NIFK: variants seen among roughly 807,000 people sequenced by gnomAD.
NIFK encodes the protein MKI67 FHA domain-interacting nucleolar phosphoprotein.
Under a neutral mutation model 31.7 loss-of-function variants are expected in NIFK, and 16 were observed. That is an observed-to-expected ratio of 0.50 (90% CI 0.34 to 0.77). NIFK has a LOEUF of 0.77. Ranked by LOEUF, NIFK falls within the 30% of genes least tolerant of loss-of-function variation. The pLI, the probability that NIFK is intolerant of heterozygous loss-of-function variation, is 0.01. For synonymous variants in NIFK, 126 were observed against 123.0 expected, an observed-to-expected ratio of 1.02 and a Z score of -0.16; for missense variants, 341 against 350.4, an observed-to-expected ratio of 0.97 and a Z score of 0.21.
At chr2:121,732,234 G>C in intron 2 of NIFK, 30 bp from the exon 3 acceptor site, 3 of 1,340,186 alleles carry the variant, frequency 2.2e-6, no homozygotes, top group East Asian at 4.6e-5. Context: ...ACAAAAAGTA[G>C]AACAATTAAA....
intron 1 of NIFK, 56 bp downstream of exon 1, chr2:121,736,690 C>T (rs2074583874): frequency 4.1e-6 from 6 of 1,464,808 alleles, no homozygotes; most frequent in Non-Finnish European, 5.7e-6. Context: ...CCCCAGATAC[C>T]CTCTAGACCC....
intron 2 of NIFK, among the ~76,000 whole-genome samples, chr2:121,733,448 G>A (rs1363321111): frequency 6.6e-6 from 1 of 151,934 alleles, no homozygotes. Flanking sequence ...CCGAGAGGCT[G>A]AGGGTGCAGT....
In NIFK at chr2:121,731,321, A is replaced by AT. The variant is rs141992479; in HGVS notation, c.353-218dup. 611 of 522,832 alleles carry AT rather than the reference A, an allele frequency of 1.2e-3. 4 individuals carry two copies. The highest frequency in any genetic ancestry group is 0.011 in the African/African-American group (577 of 51,898). The allele number at this position is 522,832 out of a possible 1,614,324, so 32.4% of individuals were successfully genotyped here. On this transcript the variant is annotated intron_variant, in intron 3 of 6. Coordinates refer to ENST00000285814, the MANE Select transcript of NIFK (RefSeq NM_032390.5). ...GTACCTAAGACGGCCACATGCCACC[A>AT]TGGGCACAGGGAAGCCAGAAACTTC...
chr2:121,731,053 T>C lies in NIFK; in HGVS notation c.404A>G (p.Asn135Ser), dbSNP rs2106442342. 2.5e-6 allele frequency: 4 copies of C among 1,612,490 alleles called. No homozygotes were observed. The highest frequency in any genetic ancestry group is 3.4e-6 in the Non-Finnish European group (4 of 1,179,142). Residue 135 changes from asparagine to serine, a missense_variant, in exon 4 of 7, where the codon AAT becomes AGT. Transcript: ENST00000285814. ...ATATGATGGCTGCTTAAATGGAATA[T>C]TCCAGTCTTTAAAGAGTTCTTTATG... ...KVHKELFKDW[N>S]IPFKQPSYPS... is the part of the protein sequence containing the mutation.
rs59166905 is a variant in NIFK, at chr2:121,731,696, A to C, written c.352+400T>G. Among the ~76,000 whole-genome samples, 540 of 152,066 alleles carry C rather than the reference A, an allele frequency of 3.6e-3. 4 individuals are homozygous for C. Among genetic ancestry groups the C allele is most frequent in the African/African-American group, 0.013 (523 of 41,470 alleles). ...TCTCACAGCTGAATGGTTAGGCATC[A>C]TTGGTTTGGCATTCACTGTCCCTCA... On this transcript the variant is annotated intron_variant, in intron 3 of 6. Coordinates refer to ENST00000285814, the MANE Select transcript of NIFK (RefSeq NM_032390.5).
Position 121,732,077 on chromosome 2 carries a change from G to T in NIFK, c.352+19C>A. ...CAGCAGGCACCCAGGCAACCCTGCG[G>T]TAAGACAGGAGCACTTACACTCCAA... On this transcript the variant is annotated intron_variant, in intron 3 of 6. Coordinates refer to ENST00000285814, the MANE Select transcript of NIFK (RefSeq NM_032390.5). 6.7e-7 allele frequency: 1 copy of T among 1,491,930 alleles called. No homozygotes were observed. The highest frequency in any genetic ancestry group is 9.3e-7 in the Non-Finnish European group (1 of 1,069,750). The allele number at this position is 1,491,930 out of a possible 1,614,324, so 92.4% of individuals were successfully genotyped here.
chr2:121,735,977 A>AT (rs777089625), intron 1 of NIFK, among the ~76,000 whole-genome samples: 1 of 152,206 alleles, frequency 6.6e-6, no homozygotes, highest in African/African-American at 2.4e-5. Context: ...TTAGAGCTCA[A>AT]TAACTATGTC....
chr2:121,734,233 T>C (rs1189181505), intron 2 of NIFK, among the ~76,000 whole-genome samples: 1 of 151,756 alleles, frequency 6.6e-6, no homozygotes, highest in East Asian at 1.9e-4. Context: ...GAGGCAGAGG[T>C]TGCAGTGAGC....
intron 4 of NIFK, chr2:121,730,659 C>T (rs946624074): frequency 1.5e-4 from 70 of 464,470 alleles, no homozygotes; most frequent in Admixed American, 7.5e-4. Flanking sequence ...GCCTGGCCAA[C>T]GTGGAGAAAC....
chr2:121,732,992 G>C (rs577297389), intron 2 of NIFK, among the ~76,000 whole-genome samples: 2 of 152,058 alleles, frequency 1.3e-5, no homozygotes, highest in African/African-American at 4.8e-5. Flanking sequence ...TGAGCCAGAA[G>C]AATCACTTGA....
In NIFK at chr2:121,732,498, TAA is replaced by T. The variant is rs2074548844; in HGVS notation, c.244-296_244-295del. On this transcript the variant is annotated intron_variant, in intron 2 of 6. Transcript: ENST00000285814. Reference sequence around the variant, plus strand: ...ATTCAGTAACAACACTCCGTGATATTAAAAAAGTCTTCAACTTAAAAGTCACA... The same window carrying T: ...ATTCAGTAACAACACTCCGTGATATTAAAAGTCTTCAACTTAAAAGTCACA... 2.6e-5 allele frequency among the ~76,000 whole-genome samples: 4 copies of T among 152,244 alleles called. No homozygotes were observed. In the South Asian group the frequency reaches 8.3e-4, roughly 32 times the overall value.
Position 121,728,545 on chromosome 2 carries a change from A to C in NIFK, c.565-9T>G. ...TCCGTTTTCTGTAAAATCTTTAATA[A>C]AGAAGTTAGAAATTGACACTCATAT... On this transcript the variant is annotated splice_polypyrimidine_tract_variant and intron_variant, in intron 4 of 6. Coordinates refer to ENST00000285814, the MANE Select transcript of NIFK (RefSeq NM_032390.5). 2.0e-6 allele frequency: 3 copies of C among 1,508,886 alleles called. No individual in the cohort carries two copies. Among genetic ancestry groups the C allele is most frequent in the Non-Finnish European group, 2.7e-6 (3 of 1,102,334 alleles). 93.5% of individuals were successfully genotyped at this position (1,508,886 alleles called of 1,614,324 possible).
At chr2:121,731,202 C>A (rs1445747804) in intron 3 of NIFK, 98 bp from the exon 4 acceptor site, 1 of 658,142 alleles carries the variant, frequency 1.5e-6, no homozygotes, top group Non-Finnish European at 2.6e-6. Context: ...TGGCTGGGTA[C>A]AGTGGCTCAC....
Position 121,736,122 on chromosome 2 carries a change from C to A in NIFK, c.106-372G>T, listed in dbSNP as rs369749419. On this transcript the variant is annotated intron_variant, in intron 1 of 6. Coordinates refer to ENST00000285814, the MANE Select transcript of NIFK (RefSeq NM_032390.5). The stretch of plus-strand genomic sequence containing the variant: ...GCACTTCATCGAAAAATTTTCGATA[C>A]GCTTGTTAACTCTCACGGTACAGAT... Among the ~76,000 whole-genome samples, 8 of 152,320 alleles carry A rather than the reference C, an allele frequency of 5.3e-5. No homozygotes were observed. The South Asian group carries it at 1.0e-3, about 20-fold the overall frequency.
chr2:121,736,320 G>A (rs115335519), intron 1 of NIFK, among the ~76,000 whole-genome samples: 617 of 152,308 alleles, frequency 4.1e-3, no homozygotes, highest in Non-Finnish European at 6.3e-3. Flanking sequence ...TCACCAACCC[G>A]GCATACAAAC....
At chr2:121,729,844 T>G (rs1052363159) in intron 4 of NIFK, among the ~76,000 whole-genome samples, 1 of 152,206 alleles carries the variant, frequency 6.6e-6, no homozygotes, top group African/African-American at 2.4e-5. Flanking sequence ...AAAAGAAGCT[T>G]CCTCTTCTGT....
rs993135104 is a variant in NIFK, at chr2:121,727,495, G to A, written c.*229C>T. The A allele has an allele frequency of 1.5e-6, 1 of 682,766 alleles. No individual in the cohort carries two copies. Among genetic ancestry groups the A allele is most frequent in the African/African-American group, 1.8e-5 (1 of 56,534 alleles). 42.3% of individuals were successfully genotyped at this position (682,766 alleles called of 1,614,324 possible). ...AATATCAAAAGAAAACTAGAGGCCA[G>A]GACAAAGAGGCAATGTCAGCCAAGC... On this transcript the variant is annotated 3_prime_UTR_variant, in exon 7 of 7. Coordinates refer to ENST00000285814, the MANE Select transcript of NIFK (RefSeq NM_032390.5).
chr2:121,736,871 A>C lies in NIFK; in HGVS notation c.-21T>G, dbSNP rs772421005. On this transcript the variant is annotated 5_prime_UTR_variant, in exon 1 of 7. Transcript: ENST00000285814. ...GCCATGCCAAAAGCCGCCGACGCTA[A>C]CCACGCGGCGCTCCCGGAAACGTCG... The C allele has an allele frequency of 6.3e-7, 1 of 1,598,010 alleles. No individual in the cohort carries two copies. Among genetic ancestry groups the C allele is most frequent in the African/African-American group, 1.3e-5 (1 of 74,550 alleles).
Position 121,735,639 on chromosome 2 carries a change from G to A in NIFK, c.217C>T (p.Arg73Trp), listed in dbSNP as rs767813609. 2.5e-6 allele frequency: 4 copies of A among 1,612,056 alleles called. No homozygotes were observed. The African/African-American group carries it at 4.0e-5, about 16-fold the overall frequency. ...CTTTTACTTCTGGACAGCCTGAACC[G>A]TGTCACAGTGCCAAACTGGGAGAAA... is the stretch of plus-strand genomic sequence containing the variant. Reference protein sequence around the residue: ...SYFSQFGTVTRFRLSRSKRTG... With the variant: ...SYFSQFGTVTWFRLSRSKRTG... The change falls in exon 2 of 7, where the codon CGG becomes TGG. Residue 73 changes from arginine (R) to tryptophan (W), a missense_variant. Physicochemically the swap from Arg to Trp is moderately radical, Grantham distance 101. Transcript: ENST00000285814.
Sources: gnomAD v4.1 joint callset for allele counts (sites outside exome capture counted in the v4.1 genomes callset) on GRCh38, gnomAD v4.1.1 for gene constraint, MANE v1.5 for transcripts, NCBI Gene and HGNC (gene_info 2026-07-23, HGNC 2026-07-21) for gene names.